Variants in TCF12 observed in about 807,000 individuals in gnomAD.
TCF12 encodes transcription factor 12, also known as DNA-binding protein HTF4.
TCF12 carries 45 observed loss-of-function variants against 86.0 expected under a neutral mutation model. That is an observed-to-expected ratio of 0.52 (90% CI 0.41 to 0.67). TCF12 has a LOEUF of 0.67. TCF12 is among the 30% of genes least tolerant of loss of function. TCF12 has a pLI of 0.00. For synonymous variants in TCF12, 330 were observed against 299.6 expected (o/e 1.10, Z -1.05); for missense variants, 881 against 859.9 (o/e 1.02, Z -0.31).
At chr15:57,102,842 T>G (rs1445536679) in intron 5 of TCF12, among the ~76,000 whole-genome samples, 4 of 152,204 alleles carry the variant, frequency 2.6e-5, no homozygotes, top group African/African-American at 9.7e-5. Context: ...TTTCTCTCTC[T>G]GAAATCCTGT....
intron 5 of TCF12, among the ~76,000 whole-genome samples, chr15:57,131,153 A>C (rs2052084962): frequency 6.6e-6 from 1 of 152,212 alleles, no homozygotes; most frequent in Non-Finnish European, 1.5e-5. Context: ...CTGAATTTGG[A>C]ATCAAAAAAG....
intron 17 of TCF12, 97 bp from the exon 18 acceptor site, chr15:57,263,014 TA>T: frequency 2.3e-6 from 3 of 1,290,826 alleles, no homozygotes; most frequent in Non-Finnish European, 3.2e-6. Flanking sequence ...CTGTAACTGC[TA>T]AGGATATTCA....
At chr15:57,199,829 A>G (rs1167441088) in intron 8 of TCF12, among the ~76,000 whole-genome samples, 1 of 152,146 alleles carries the variant, frequency 6.6e-6, no homozygotes, top group Non-Finnish European at 1.5e-5. Flanking sequence ...ATTTTAATTA[A>G]CTGAAAGTAT....
intron 3 of TCF12, among the ~76,000 whole-genome samples, chr15:56,924,614 G>C (rs1438428989): frequency 6.6e-6 from 1 of 152,118 alleles, no homozygotes; most frequent in African/African-American, 2.4e-5. Flanking sequence ...ATTTATAATA[G>C]CTATAATTTG....
At chr15:56,918,418 T>G (rs1334764605), upstream of TCF12, 3 of 358,630 alleles carry the variant, frequency 8.4e-6, no homozygotes, top group East Asian at 8.2e-5. Context: ...GGTCGGGGCC[T>G]GCTTCTCGAG....
chr15:57,138,288 AAC>A (rs1325745531), intron 5 of TCF12, among the ~76,000 whole-genome samples: 7 of 152,178 alleles, frequency 4.6e-5, no homozygotes, highest in African/African-American at 1.7e-4. Flanking sequence ...TTTTTCATTT[AAC>A]ACTGCTTCTC....
At chr15:57,110,796 CCT>C (rs1428573564) in intron 5 of TCF12, among the ~76,000 whole-genome samples, 5 of 152,036 alleles carry the variant, frequency 3.3e-5, no homozygotes, top group African/African-American at 7.3e-5. Context: ...AAAGTAAGCC[CCT>C]GTGTTTGGTT....
In TCF12 at chr15:57,063,754, T is replaced by C; in HGVS notation, c.153T>C (p.Ile51=). ...LGSSQFSGSG[I]DERGGTTSWG... Reference sequence around the variant, plus strand: ...TTTATTTTCTTCTCTTTTTAGGTATTGATGAAAGAGGAGGTACAACATCTT... The same window carrying C: ...TTTATTTTCTTCTCTTTTTAGGTATCGATGAAAGAGGAGGTACAACATCTT... The change falls in exon 4 of 21, where the codon ATT becomes ATC. Residue 51 remains isoleucine, a synonymous_variant. Transcript: ENST00000333725. The C allele has an allele frequency of 6.2e-7, 1 of 1,603,102 alleles. No individual in the cohort carries two copies. Among genetic ancestry groups the C allele is most frequent in the Middle Eastern group, 1.7e-4 (1 of 6,018 alleles).
chr15:56,966,217 G>A (rs1350911253), intron 3 of TCF12, among the ~76,000 whole-genome samples: 3 of 151,556 alleles, frequency 2.0e-5, no homozygotes, highest in South Asian at 4.2e-4. Flanking sequence ...CTTCTATTTA[G>A]GTTGGTGCAA....
intron 3 of TCF12, among the ~76,000 whole-genome samples, chr15:57,061,815 G>A (rs1202604338): frequency 6.6e-6 from 1 of 152,060 alleles, no homozygotes; most frequent in African/African-American, 2.4e-5. Flanking sequence ...TATATTAGTG[G>A]ATTTTGTAGG....
At chr15:57,133,529 G>T (rs1409125665) in intron 5 of TCF12, among the ~76,000 whole-genome samples, 2 of 152,112 alleles carry the variant, frequency 1.3e-5, no homozygotes, top group African/African-American at 2.4e-5. Flanking sequence ...CTGTGAAATG[G>T]TGTGTTGCTA....
rs1334814929 is a variant in TCF12 at position 57,203,870 on chromosome 15, G to A, written c.579+6045G>A. Among the ~76,000 whole-genome samples the A allele has an allele frequency of 2.0e-5, 3 of 152,004 alleles. No individual in the cohort carries two copies. The South Asian group carries it at 6.2e-4, about 32-fold the overall frequency. ...AGACCCTGTCACTGCAAAAAAATTA[G>A]CCAGGTGTGATTGGCACCCCCTGTG... On this transcript the variant is annotated intron_variant, in intron 8 of 20. Coordinates refer to ENST00000333725, the MANE Select transcript of TCF12 (RefSeq NM_207037.2).
chr15:57,068,247 A>G (rs192243727), intron 4 of TCF12, among the ~76,000 whole-genome samples: 1 of 152,352 alleles, frequency 6.6e-6, no homozygotes, highest in African/African-American at 2.4e-5. Context: ...GAGGCAATAT[A>G]TGGAAATTGC....
chr15:57,236,616 A>T (rs1238797246), intron 12 of TCF12, among the ~76,000 whole-genome samples: 2 of 152,328 alleles, frequency 1.3e-5, no homozygotes, highest in East Asian at 3.9e-4. Flanking sequence ...GAAACATCAG[A>T]GGGTACAACC....
At chr15:56,936,382 C>T (rs1179036760) in intron 3 of TCF12, among the ~76,000 whole-genome samples, 4 of 152,026 alleles carry the variant, frequency 2.6e-5, no homozygotes, top group African/African-American at 9.7e-5. Flanking sequence ...GGATATTAGT[C>T]CTTTGTCAGA....
At chr15:57,233,884 C>G (rs1252417458) in intron 11 of TCF12, among the ~76,000 whole-genome samples, 159 bp from the exon 12 acceptor site, 2 of 152,174 alleles carry the variant, frequency 1.3e-5, no homozygotes, top group African/African-American at 4.8e-5. Flanking sequence ...AAGACCTCAT[C>G]TTTAGTTTAT....
chr15:57,281,408 T>C (rs1411357696), intron 19 of TCF12, among the ~76,000 whole-genome samples: 2 of 152,204 alleles, frequency 1.3e-5, no homozygotes, highest in African/African-American at 4.8e-5. Flanking sequence ...GCTCCACCTA[T>C]CTATCCTTCT....
intron 5 of TCF12, among the ~76,000 whole-genome samples, chr15:57,123,982 A>AAAAAAAAAAAAAAAAAAAAAAAATT (rs1555511574): frequency 8.1e-5 from 9 of 111,262 alleles, no homozygotes; most frequent in African/African-American, 2.7e-4. Context: ...AAAAAAAAAA[A>AAAAAAAAAAAAAAAAAAAAAAAATT]TTTTTTTTTT....
intron 6 of TCF12, among the ~76,000 whole-genome samples, chr15:57,175,475 A>G (rs1407417919): frequency 6.6e-6 from 1 of 152,212 alleles, no homozygotes; most frequent in Non-Finnish European, 1.5e-5. Context: ...TTCTAGACTT[A>G]TGTTGTATGG....
Sources: allele counts gnomAD v4.1 joint callset (sites outside exome capture counted in the v4.1 genomes callset), GRCh38; gene constraint gnomAD v4.1.1; transcripts MANE v1.5; gene names NCBI Gene and HGNC (gene_info 2026-07-23, HGNC 2026-07-21).